The following GDF6 variants were observed in gnomAD, a reference collection of about 807,000 sequenced individuals.
GDF6 encodes the protein growth/differentiation factor 6.
A neutral mutation model predicts 32.4 loss-of-function variants in GDF6; 3 were observed. That is an observed-to-expected ratio of 0.09 (90% confidence interval 0.04 to 0.24). The LOEUF is 0.24. Among genes scored for constraint, GDF6 ranks in the 10% least tolerant of loss-of-function variants. GDF6 has a pLI of 1.00. For synonymous variants in GDF6, 296 were observed against 295.3 expected (o/e 1.00, Z -0.03); for missense variants, 589 against 637.9 (o/e 0.92, Z 0.83).
chr8:96,142,495 G>C lies in GDF6; in HGVS notation c.*2068C>G, dbSNP rs1812389417. 1 of 152,382 alleles carries C rather than the reference G, an allele frequency of 6.6e-6. No homozygotes were observed. Among genetic ancestry groups the C allele is most frequent in the Non-Finnish European group, 1.5e-5 (1 of 68,004 alleles). The allele number at this position is 152,382 out of a possible 1,614,324, so 9.4% of individuals were successfully genotyped here. On this transcript the variant is annotated 3_prime_UTR_variant, in exon 2 of 2. Coordinates refer to ENST00000287020, the MANE Select transcript of GDF6 (RefSeq NM_001001557.4). ...ACAGTTTAAAAAAAACTCTCCATTA[G>C]ACAGACTTAAAATTTTGTAATAATA...
intron 1 of GDF6, among the ~76,000 whole-genome samples, chr8:96,155,036 G>A (rs1812636081): frequency 1.3e-5 from 2 of 152,216 alleles, no homozygotes; most frequent in African/African-American, 4.8e-5. Flanking sequence ...GGGTGGAGAA[G>A]AGGGATTCGC....
intron 1 of GDF6, among the ~76,000 whole-genome samples, chr8:96,159,093 T>A (rs943966179): frequency 3.3e-5 from 5 of 152,180 alleles, no homozygotes; most frequent in African/African-American, 1.2e-4. Flanking sequence ...ACCCCAGCGC[T>A]GCAAGGTTTC....
chr8:96,149,526 G>A (rs1219752104), intron 1 of GDF6, among the ~76,000 whole-genome samples: 7 of 152,162 alleles, frequency 4.6e-5, no homozygotes, highest in Admixed American at 3.9e-4. Flanking sequence ...TGGTCAACGA[G>A]TTGGTAAAAG....
chr8:96,160,198 G>A, intron 1 of GDF6, 89 bp downstream of exon 1: 3 of 1,270,998 alleles, frequency 2.4e-6, no homozygotes, highest in East Asian at 2.3e-5. Flanking sequence ...AGCAGGAAGG[G>A]AATTCACAAA....
At position 96,160,487 on chromosome 8, in the gene GDF6, G is replaced by C; in HGVS notation, c.206C>G (p.Pro69Arg). ...DAGREGQEPQ[P>R]RPQDEPRAQQ... ...AGCCCGGGGTTCGTCCTGAGGCCGCGGCTGTGGTTCCTGGCCCTCCCGGCC... is the reference window on the plus strand; with the variant it reads ...AGCCCGGGGTTCGTCCTGAGGCCGCCGCTGTGGTTCCTGGCCCTCCCGGCC... The change falls in exon 1 of 2, where the codon CCG (proline) becomes CGG (arginine). Residue 69 changes from proline to arginine, a missense_variant. This residue lies in a region of GDF6 where 436 missense variants were observed against 411.2 expected (regional missense o/e 1.06). Transcript: ENST00000287020. 1 of 1,612,766 alleles carries C rather than the reference G, an allele frequency of 6.2e-7. No individual in the cohort carries two copies. The highest frequency in any genetic ancestry group is 8.5e-7 in the Non-Finnish European group (1 of 1,179,322).
chr8:96,153,326 T>C (rs1317199790), intron 1 of GDF6, among the ~76,000 whole-genome samples: 1 of 149,096 alleles, frequency 6.7e-6, no homozygotes, highest in East Asian at 1.9e-4. Flanking sequence ...TTCACTGTGC[T>C]TCTCTTTTCA....
At chr8:96,157,163 C>G (rs1812678541) in intron 1 of GDF6, among the ~76,000 whole-genome samples, 1 of 152,034 alleles carries the variant, frequency 6.6e-6, no homozygotes, top group Admixed American at 6.5e-5. Context: ...ATTATTACTC[C>G]TAGGTGTCTG....
rs763275206 is a variant in GDF6 at position 96,145,377 on chromosome 8, T to G, written c.554A>C (p.His185Pro). The change falls in exon 2 of 2, where the codon CAC (histidine) becomes CCC (proline). Residue 185 changes from histidine to proline, a missense_variant. Transcript: ENST00000287020. The surrounding 1 kb of genome is among the most constrained non-coding windows in gnomAD (Gnocchi z 5.6). The stretch of plus-strand genomic sequence containing the variant: ...CGAAAGGCAAGGGAAGAGCTGCACG[T>G]GGAGCGGCCCGGCTGGTGGCCCCCA... ...APWGPPAGPL[H>P]VQLFPCLSPL... 3.2e-6 allele frequency: 5 copies of G among 1,569,468 alleles called. No individual in the cohort carries two copies. The Admixed American group carries it at 7.3e-5, about 23-fold the overall frequency.
rs974146562 is a variant in GDF6, at chr8:96,143,264, C to G, written c.*1299G>C. Reference sequence around the variant, plus strand: ...CTGATAATTACAATCTGAACCAATTCTTTTGGGGGAGCCCTGGGCTATTGC... The same window carrying G: ...CTGATAATTACAATCTGAACCAATTGTTTTGGGGGAGCCCTGGGCTATTGC... On this transcript the variant is annotated 3_prime_UTR_variant, in exon 2 of 2. Transcript: ENST00000287020. 1 of 152,682 alleles carries G rather than the reference C, an allele frequency of 6.5e-6. No homozygotes were observed. The highest frequency in any genetic ancestry group is 1.5e-5 in the Non-Finnish European group (1 of 68,052). 9.5% of individuals were successfully genotyped at this position (152,682 alleles called of 1,614,324 possible).
chr8:96,145,281 A>G lies in GDF6; in HGVS notation c.650T>C (p.Val217Ala), dbSNP rs1812457423. Residue 217 changes from valine (V) to alanine (A), a missense_variant, in exon 2 of 2, where the codon GTG becomes GCG. Coordinates refer to ENST00000287020, the MANE Select transcript of GDF6 (RefSeq NM_001001557.4). The surrounding 1 kb of genome is among the most constrained non-coding windows in gnomAD (Gnocchi z 5.6). Reference protein sequence around the residue: ...APPAGWEVFDVWQGLRHQPWK... With the variant: ...APPAGWEVFDAWQGLRHQPWK... ...GGGCTGGTGGCGCAGGCCCTGCCAC[A>G]CGTCGAAGACTTCCCAGCCGGCCGG... 3 of 1,527,012 alleles carry G rather than the reference A, an allele frequency of 2.0e-6. No individual in the cohort carries two copies. The highest frequency in any genetic ancestry group is 2.6e-6 in the Non-Finnish European group (3 of 1,143,266). The allele number at this position is 1,527,012 out of a possible 1,614,324, so 94.6% of individuals were successfully genotyped here.
chr8:96,156,487 T>C (rs984240890), intron 1 of GDF6, among the ~76,000 whole-genome samples: 1 of 151,482 alleles, frequency 6.6e-6, no homozygotes, highest in African/African-American at 2.4e-5. Context: ...ATAGAACTAA[T>C]TGTCTGGCTT....
chr8:96,160,147 T>C, intron 1 of GDF6, 140 bp downstream of exon 1: 1 of 928,748 alleles, frequency 1.1e-6, no homozygotes, highest in South Asian at 1.3e-5. Flanking sequence ...TACTCGAGCT[T>C]GAGAAAAACA....
At chr8:96,146,492 TCAC>T (rs1231566758) in intron 1 of GDF6, among the ~76,000 whole-genome samples, 1 of 152,116 alleles carries the variant, frequency 6.6e-6, no homozygotes, top group Non-Finnish European at 1.5e-5. Flanking sequence ...ATTTATTTAT[TCAC>T]CAATCATTAA....
In GDF6 at chr8:96,144,289, A is replaced by AGAGAGAGAGAGG. The variant is rs1370445465; in HGVS notation, c.*273_*274insCCTCTCTCTCTC. 4.4e-4 allele frequency: 219 copies of AGAGAGAGAGAGG among 495,964 alleles called. 4 individuals carry two copies. The highest frequency in any genetic ancestry group is 3.8e-3 in the African/African-American group (162 of 42,146). The allele number at this position is 495,964 out of a possible 1,614,324, so 30.7% of individuals were successfully genotyped here. On this transcript the variant is annotated 3_prime_UTR_variant, in exon 2 of 2. Transcript: ENST00000287020. This position sits in a 1 kb window ranked among gnomAD's most constrained non-coding sequence, Gnocchi z 5.1. ...GAGAGAGAGAGAGAGAGAGAGAGAG[A>AGAGAGAGAGAGG]GAAAACAGAACAAAAGAAATCCTCC...
Position 96,150,934 on chromosome 8 carries a change from C to A in GDF6, c.407-5410G>T, listed in dbSNP as rs114994346. On this transcript the variant is annotated intron_variant, in intron 1 of 1. Transcript: ENST00000287020. ...TTTTCTCAACTAAGTCTCTCACCTT[C>A]CGCGCTGCACTGAGGGGGCAAAGTC... 1.5e-3 allele frequency among the ~76,000 whole-genome samples: 233 copies of A among 152,344 alleles called. 1 individual carries two copies. The highest frequency in any genetic ancestry group is 5.3e-3 in the African/African-American group (220 of 41,588).
chr8:96,147,085 A>G (rs1361125668), intron 1 of GDF6, among the ~76,000 whole-genome samples: 1 of 152,134 alleles, frequency 6.6e-6, no homozygotes, highest in African/African-American at 2.4e-5. Context: ...CGATTTCAAT[A>G]GTAAAAGTGT....
intron 1 of GDF6, among the ~76,000 whole-genome samples, chr8:96,156,664 T>G (rs1476930133): frequency 6.6e-6 from 1 of 152,208 alleles, no homozygotes; most frequent in Non-Finnish European, 1.5e-5. Context: ...GGATCCAACA[T>G]CATTTTTAAA....
Position 96,145,651 on chromosome 8 carries a change from G to C in GDF6, c.407-127C>G, listed in dbSNP as rs1168678007. 7.1e-6 allele frequency: 8 copies of C among 1,122,282 alleles called. No homozygotes were observed. In the East Asian group the frequency reaches 1.2e-4, roughly 17 times the overall value. 69.5% of individuals were successfully genotyped at this position (1,122,282 alleles called of 1,614,324 possible). ...GTCGGCCGGGCAGTCCAGCTTGCCCGGCCCAGGGCCTGACCACCCCGGCTC... is the reference window on the plus strand; with the variant it reads ...GTCGGCCGGGCAGTCCAGCTTGCCCCGCCCAGGGCCTGACCACCCCGGCTC... On this transcript the variant is annotated intron_variant, in intron 1 of 1. Transcript: ENST00000287020. This position sits in a 1 kb window ranked among gnomAD's most constrained non-coding sequence, Gnocchi z 5.6.
At chr8:96,148,398 T>C (rs1011485712) in intron 1 of GDF6, among the ~76,000 whole-genome samples, 2 of 152,230 alleles carry the variant, frequency 1.3e-5, no homozygotes, top group East Asian at 3.8e-4. Context: ...GCAAGAATTA[T>C]ATGGCCCAGG....
Sources: gnomAD v4.1 joint callset for allele counts (sites outside exome capture counted in the v4.1 genomes callset) on GRCh38, gnomAD v4.1.1 for gene constraint, gnomAD v4.1.1 regional missense constraint, Gnocchi (gnomAD v3.1) non-coding constraint, MANE v1.5 for transcripts, NCBI Gene and HGNC (gene_info 2026-07-23, HGNC 2026-07-21) for gene names.